GREM2: variants seen among roughly 807,000 people sequenced by gnomAD.
The protein encoded by GREM2 is gremlin 2, DAN family BMP antagonist, also known as gremlin-2.
GREM2 carries 11 observed loss-of-function variants against 14.2 expected under a neutral mutation model. The observed-to-expected ratio is 0.78, with a 90% CI of 0.49 to 1.28. GREM2 has a LOEUF of 1.28. Ranked by LOEUF, GREM2 falls within the 50% of genes most tolerant of loss-of-function variation. The pLI is 0.00. For missense variants in GREM2, 210 were observed against 218.5 expected (o/e 0.96, Z 0.24); for synonymous variants, 98 against 97.6 (o/e 1.00, Z -0.02).
chr1:240,560,451 T>G (rs1195835516), intron 1 of GREM2, among the ~76,000 whole-genome samples: 2 of 152,182 alleles, frequency 1.3e-5, no homozygotes, highest in Admixed American at 1.3e-4. Flanking sequence ...AGTGGATTGA[T>G]TCTCACTTTT....
At chr1:240,522,130 A>AAC (rs1427756590) in intron 1 of GREM2, among the ~76,000 whole-genome samples, 3 of 151,590 alleles carry the variant, frequency 2.0e-5, no homozygotes, top group African/African-American at 2.4e-5. Context: ...CAAAAAAAAA[A>AAC]AAAAACAAAA....
intron 1 of GREM2, among the ~76,000 whole-genome samples, chr1:240,509,717 A>C (rs923518572): frequency 6.6e-6 from 1 of 152,072 alleles, no homozygotes; most frequent in Non-Finnish European, 1.5e-5. Context: ...CCAGCTTCCC[A>C]TGAAGTTCGA....
intron 1 of GREM2, among the ~76,000 whole-genome samples, chr1:240,510,983 G>C (rs891178331): frequency 6.6e-6 from 1 of 152,204 alleles, no homozygotes; most frequent in African/African-American, 2.4e-5. Context: ...AAACATTAAT[G>C]ACAACTACAA....
Position 240,534,381 on chromosome 1 carries a change from C to A in GREM2, c.-1-40905G>T, listed in dbSNP as rs1185603530. Among the ~76,000 whole-genome samples the A allele has an allele frequency of 2.6e-5, 4 of 152,276 alleles. No individual in the cohort carries two copies. The East Asian group carries it at 7.7e-4, about 29-fold the overall frequency. ...AAGGGTTCTGCTCTAAGAGAGACAT[C>A]ACATCTGCAGTTAAGAGAGTGCAAA... On this transcript the variant is annotated intron_variant, in intron 1 of 1. Coordinates refer to ENST00000318160, the MANE Select transcript of GREM2 (RefSeq NM_022469.4).
chr1:240,595,108 G>T (rs538321658), intron 1 of GREM2, among the ~76,000 whole-genome samples: 103 of 152,288 alleles, frequency 6.8e-4, no homozygotes, highest in African/African-American at 2.5e-3. Flanking sequence ...AAGTATGGCC[G>T]GGCGTGGTGG....
At chr1:240,507,605 T>G (rs2103285529) in intron 1 of GREM2, among the ~76,000 whole-genome samples, 1 of 152,254 alleles carries the variant, frequency 6.6e-6, no homozygotes. Flanking sequence ...AATGCTGAGA[T>G]TATAGGCATA....
chr1:240,592,691 G>A (rs558904273), intron 1 of GREM2, among the ~76,000 whole-genome samples: 4 of 152,228 alleles, frequency 2.6e-5, no homozygotes, highest in African/African-American at 9.6e-5. Context: ...CGCAGAGACA[G>A]GCAGCCTTCA....
In GREM2 at chr1:240,551,620, A is replaced by G. The variant is rs190835290; in HGVS notation, c.-1-58144T>C. Reference sequence around the variant, plus strand: ...GCCGAGACTTCAGGCATGAGCCACCATGCCTGGTCTAGTTTACTTTTTTTT... The same window carrying G: ...GCCGAGACTTCAGGCATGAGCCACCGTGCCTGGTCTAGTTTACTTTTTTTT... On this transcript the variant is annotated intron_variant, in intron 1 of 1. Coordinates refer to ENST00000318160, the MANE Select transcript of GREM2 (RefSeq NM_022469.4). 2.7e-3 allele frequency among the ~76,000 whole-genome samples: 408 copies of G among 149,784 alleles called. 1 individual carries two copies. Among genetic ancestry groups the G allele is most frequent in the African/African-American group, 9.8e-3 (399 of 40,900 alleles).
At chr1:240,558,917 C>T (rs574763566) in intron 1 of GREM2, among the ~76,000 whole-genome samples, 4 of 151,852 alleles carry the variant, frequency 2.6e-5, no homozygotes, top group African/African-American at 9.7e-5. Context: ...TTTCTTTTAC[C>T]TTTTGGCAGA....
intron 1 of GREM2, among the ~76,000 whole-genome samples, chr1:240,526,278 A>T (rs2103309052): frequency 6.6e-6 from 1 of 152,294 alleles, no homozygotes; most frequent in Admixed American, 6.5e-5. Flanking sequence ...ATCCTGAGAC[A>T]TTAGGAGTCT....
At chr1:240,561,535 C>T (rs1679035637) in intron 1 of GREM2, among the ~76,000 whole-genome samples, 1 of 152,106 alleles carries the variant, frequency 6.6e-6, no homozygotes. Context: ...AAATAAGCTA[C>T]TTCATATTAC....
chr1:240,553,251 A>T (rs1678891712), intron 1 of GREM2, among the ~76,000 whole-genome samples: 1 of 152,234 alleles, frequency 6.6e-6, no homozygotes, highest in African/African-American at 2.4e-5. Context: ...CAGCCTTATC[A>T]TTCTATTGCT....
intron 1 of GREM2, among the ~76,000 whole-genome samples, chr1:240,498,769 C>T (rs1329512093): frequency 6.6e-6 from 1 of 152,214 alleles, no homozygotes; most frequent in African/African-American, 2.4e-5. Context: ...GTAACGACAG[C>T]ACGAGGATAC....
At chr1:240,592,017 A>G (rs1483254040) in intron 1 of GREM2, among the ~76,000 whole-genome samples, 1 of 152,210 alleles carries the variant, frequency 6.6e-6, no homozygotes, top group Non-Finnish European at 1.5e-5. Context: ...AAAGTCTGTG[A>G]TGGAGCCTCC....
intron 1 of GREM2, among the ~76,000 whole-genome samples, chr1:240,525,783 T>C (rs1185323423): frequency 6.6e-6 from 1 of 152,192 alleles, no homozygotes; most frequent in East Asian, 1.9e-4. Context: ...CCAGTTCTAA[T>C]CTTACTATCT....
In GREM2 at chr1:240,542,205, A is replaced by C. The variant is rs1184492174; in HGVS notation, c.-1-48729T>G. 2.6e-5 allele frequency among the ~76,000 whole-genome samples: 4 copies of C among 152,144 alleles called. No individual in the cohort carries two copies. On this transcript the variant is annotated intron_variant, in intron 1 of 1. Coordinates refer to ENST00000318160, the MANE Select transcript of GREM2 (RefSeq NM_022469.4). The surrounding 1 kb of genome is among the most constrained non-coding windows in gnomAD (Gnocchi z 4.1). ...CCTTGTCAACAGCATCAATATTGAG[A>C]AACCATAGATTAGATGTGCTACCTG... is the stretch of plus-strand genomic sequence containing the variant.
At chr1:240,568,259 C>T (rs948431627) in intron 1 of GREM2, among the ~76,000 whole-genome samples, 1 of 151,956 alleles carries the variant, frequency 6.6e-6, no homozygotes, top group African/African-American at 2.4e-5. Flanking sequence ...TATACTATTG[C>T]TTGAAGGTAG....
At chr1:240,520,125 A>G (rs2103301639) in intron 1 of GREM2, among the ~76,000 whole-genome samples, 1 of 150,106 alleles carries the variant, frequency 6.7e-6, no homozygotes, top group South Asian at 2.1e-4. Context: ...AATAGTCATC[A>G]AAACTATAAT....
intron 1 of GREM2, among the ~76,000 whole-genome samples, chr1:240,504,280 T>A (rs1472681399): frequency 6.6e-6 from 1 of 152,214 alleles, no homozygotes; most frequent in African/African-American, 2.4e-5. Flanking sequence ...GCTCCTTCAA[T>A]CACTGATCTA....
Sources: gnomAD v4.1 joint callset for allele counts (sites outside exome capture counted in the v4.1 genomes callset) on GRCh38, gnomAD v4.1.1 for gene constraint, Gnocchi (gnomAD v3.1) non-coding constraint, MANE v1.5 for transcripts, NCBI Gene and HGNC (gene_info 2026-07-23, HGNC 2026-07-21) for gene names.